SLC5A1: variants seen among roughly 807,000 people sequenced by gnomAD.
The protein encoded by SLC5A1 is solute carrier family 5 member 1.
A neutral mutation model predicts 73.5 loss-of-function variants in SLC5A1; 42 were observed. The observed-to-expected ratio is 0.57, with a 90% CI of 0.45 to 0.74. The LOEUF is 0.74. Ranked by LOEUF, SLC5A1 falls within the 30% of genes least tolerant of loss-of-function variation. SLC5A1 has a pLI of 0.00. For synonymous variants in SLC5A1, 300 were observed against 317.4 expected (o/e 0.95, Z 0.58); for missense variants, 634 against 855.4 (o/e 0.74, Z 3.23).
chr22:32,043,331 T>C lies in SLC5A1; in HGVS notation c.50T>C (p.Val17Ala), dbSNP rs33951240. 1.7e-3 allele frequency: 2,690 copies of C among 1,614,198 alleles called. 32 individuals carry two copies. In the African/African-American group the frequency reaches 0.024, roughly 14 times the overall value. ...AAGACCACCGCGGTCACCCGGCCTGTTGAGACCCACGAGCTCATTCGCAAT... is the reference window on the plus strand; with the variant it reads ...AAGACCACCGCGGTCACCCGGCCTGCTGAGACCCACGAGCTCATTCGCAAT... ...SPKTTAVTRP[V>A]ETHELIRNAA... The change falls in exon 1 of 15, where the codon GTT becomes GCT. Residue 17 changes from valine to alanine, a missense_variant. By Grantham distance (64) the Val-to-Ala change is moderately conservative. Around this residue, in one of 3 missense-constraint regions of SLC5A1, gnomAD observed 51 missense variants for 50.5 expected, o/e 1.01. Transcript: ENST00000266088. The surrounding 1 kb of genome is among the most constrained non-coding windows in gnomAD (Gnocchi z 6.5).
At chr22:32,058,347 T>C (rs912364945) in intron 2 of SLC5A1, among the ~76,000 whole-genome samples, 1 of 152,214 alleles carries the variant, frequency 6.6e-6, no homozygotes, top group African/African-American at 2.4e-5. Context: ...TATAGCGAGA[T>C]CCCATCTCTA....
intron 2 of SLC5A1, among the ~76,000 whole-genome samples, chr22:32,054,376 G>A (rs1240350104): frequency 1.3e-5 from 2 of 152,090 alleles, no homozygotes; most frequent in African/African-American, 2.4e-5. Context: ...CAAAATATAC[G>A]TAAAATTATC....
chr22:32,048,885 A>G (rs1033686715), intron 1 of SLC5A1, among the ~76,000 whole-genome samples: 1 of 151,978 alleles, frequency 6.6e-6, no homozygotes, highest in African/African-American at 2.4e-5. Context: ...AGCCTGGCCA[A>G]TATGGTGAAA....
rs2094056556 is a variant in SLC5A1 at position 32,111,326 on chromosome 22, G to A, written c.*1113G>A. The A allele has an allele frequency of 6.6e-6, 1 of 152,052 alleles. No homozygotes were observed. The highest frequency in any genetic ancestry group is 1.5e-5 in the Non-Finnish European group (1 of 68,022). 9.4% of individuals were successfully genotyped at this position (152,052 alleles called of 1,614,324 possible). A position where few individuals can be genotyped will look rare whatever the true frequency, so the allele number is the denominator to read the frequency against. ...CTCTGTCTTCCGTGGCCTTCCTTTT[G>A]TCTGTGTCCTAAATCTACTCTTCTG... On this transcript the variant is annotated 3_prime_UTR_variant, in exon 15 of 15. Coordinates refer to ENST00000266088, the MANE Select transcript of SLC5A1 (RefSeq NM_000343.4).
intron 11 of SLC5A1, among the ~76,000 whole-genome samples, chr22:32,092,949 T>C (rs1278115415): frequency 6.6e-6 from 1 of 152,230 alleles, no homozygotes; most frequent in Non-Finnish European, 1.5e-5. Context: ...TAGATTTAAG[T>C]CCTTGAATTA....
At chr22:32,077,907 AG>A (rs575234572) in intron 5 of SLC5A1, among the ~76,000 whole-genome samples, 2 of 152,328 alleles carry the variant, frequency 1.3e-5, no homozygotes, top group South Asian at 4.1e-4. Context: ...TTGAAACTGT[AG>A]GAAAAATGTA....
intron 5 of SLC5A1, among the ~76,000 whole-genome samples, chr22:32,073,368 G>A (rs2093985701): frequency 6.6e-6 from 1 of 152,168 alleles, no homozygotes; most frequent in African/African-American, 2.4e-5. Flanking sequence ...GGCTCTTGCC[G>A]ATAATGCTGT....
rs376550752 is a variant in SLC5A1, at chr22:32,109,367, G to A, written c.1772-623G>A. Among the ~76,000 whole-genome samples, 74 of 152,246 alleles carry A rather than the reference G, an allele frequency of 4.9e-4. 1 individual carries two copies. Among genetic ancestry groups the A allele is most frequent in the Non-Finnish European group, 8.7e-4 (59 of 68,022 alleles). On this transcript the variant is annotated intron_variant, in intron 14 of 14. Coordinates refer to ENST00000266088, the MANE Select transcript of SLC5A1 (RefSeq NM_000343.4). Reference sequence around the variant, plus strand: ...AGGAGGGAATCAGTTCCCTTGGTGGGTATTCAATTTGAGCATCAGGGCCAG... The same window carrying A: ...AGGAGGGAATCAGTTCCCTTGGTGGATATTCAATTTGAGCATCAGGGCCAG...
At position 32,110,084 on chromosome 22, in the gene SLC5A1, G is replaced by C. The variant is rs200626260; in HGVS notation, c.1866G>C (p.Glu622Asp). The C allele has an allele frequency of 8.7e-5, 141 of 1,613,948 alleles. No individual in the cohort carries two copies. Among genetic ancestry groups the C allele is most frequent in the Non-Finnish European group, 1.2e-4 (136 of 1,179,952 alleles). The change falls in exon 15 of 15, where the codon GAG (glutamate) becomes GAC (aspartate). Residue 622 changes from glutamate (E) to aspartate (D), a missense_variant. Glu to Asp is a conservative substitution (Grantham distance 45). Coordinates refer to ENST00000266088, the MANE Select transcript of SLC5A1 (RefSeq NM_000343.4). ...LEQHGAPKMTEEEEKAMKMKM... is the reference protein window; with the variant it reads ...LEQHGAPKMTDEEEKAMKMKM... ...AGCACGGTGCACCCAAGATGACTGA[G>C]GAAGAGGAGAAAGCCATGAAGATGA...
intron 5 of SLC5A1, among the ~76,000 whole-genome samples, chr22:32,075,077 T>C (rs1466396305): frequency 6.8e-6 from 1 of 146,856 alleles, no homozygotes. Flanking sequence ...TTACTTTTTT[T>C]TTTTTTTTTT....
At position 32,066,978 on chromosome 22, in the gene SLC5A1, T is replaced by A. The variant is rs750209276; in HGVS notation, c.251T>A (p.Phe84Tyr). ...LFASNIGSGHFVGLAGTGAAS... is the reference protein window; with the variant it reads ...LFASNIGSGHYVGLAGTGAAS... ...GCTAGTAACATTGGAAGTGGCCACT[T>A]TGTGGGGCTGGCCGGGACTGGGGCA... The change falls in exon 3 of 15, where the codon TTT becomes TAT. Residue 84 changes from phenylalanine (F) to tyrosine (Y), a missense_variant. Physicochemically the swap from Phe to Tyr is conservative, Grantham distance 22. Around this residue, in one of 3 missense-constraint regions of SLC5A1, gnomAD observed 422 missense variants for 626.1 expected, o/e 0.67. Transcript: ENST00000266088. The A allele has an allele frequency of 6.2e-7, 1 of 1,613,322 alleles. No individual in the cohort carries two copies. Among genetic ancestry groups the A allele is most frequent in the Admixed American group, 1.7e-5 (1 of 60,006 alleles).
At chr22:32,099,147 T>G in intron 11 of SLC5A1, 36 bp from the exon 12 acceptor site, 2 of 1,339,764 alleles carry the variant, frequency 1.5e-6, no homozygotes, top group East Asian at 2.7e-5. Flanking sequence ...TGTAGAGCTA[T>G]TTATTGACAC....
intron 10 of SLC5A1, among the ~76,000 whole-genome samples, chr22:32,087,772 T>A (rs1487598701): frequency 6.6e-6 from 1 of 152,004 alleles, no homozygotes; most frequent in Non-Finnish European, 1.5e-5. Flanking sequence ...CCTAGAAAAA[T>A]TTAGAATAAA....
At chr22:32,102,687 G>C (rs1017287504) in intron 13 of SLC5A1, among the ~76,000 whole-genome samples, 1 of 151,982 alleles carries the variant, frequency 6.6e-6, no homozygotes, top group Admixed American at 6.6e-5. Context: ...TTGTATTTTT[G>C]TACCCATTAA....
At chr22:32,058,964 C>T (rs2093956122) in intron 2 of SLC5A1, among the ~76,000 whole-genome samples, 1 of 152,196 alleles carries the variant, frequency 6.6e-6, no homozygotes, top group East Asian at 1.9e-4. Flanking sequence ...AGCTCTCAGA[C>T]ATTTGGTTGC....
chr22:32,079,316 G>A (rs1443993007), intron 5 of SLC5A1, among the ~76,000 whole-genome samples: 2 of 152,218 alleles, frequency 1.3e-5, no homozygotes, highest in Non-Finnish European at 2.9e-5. Context: ...TCTGAAGTTA[G>A]AATGACTCAT....
chr22:32,066,087 G>T (rs761616126), intron 2 of SLC5A1, among the ~76,000 whole-genome samples: 1 of 152,280 alleles, frequency 6.6e-6, no homozygotes, highest in Non-Finnish European at 1.5e-5. Flanking sequence ...TATTATGATT[G>T]GTTGTGCAAG....
chr22:32,045,025 G>C (rs2093935314), intron 1 of SLC5A1, among the ~76,000 whole-genome samples: 1 of 152,184 alleles, frequency 6.6e-6, no homozygotes, highest in Non-Finnish European at 1.5e-5. Flanking sequence ...AGCCTCATGT[G>C]GTTGTGATTT....
chr22:32,088,470 G>A (rs2094011709), intron 10 of SLC5A1, among the ~76,000 whole-genome samples: 2 of 151,636 alleles, frequency 1.3e-5, no homozygotes, highest in Non-Finnish European at 1.5e-5. Flanking sequence ...TGTAGTAGCT[G>A]GGATTACAGG....
Sources: allele counts gnomAD v4.1 joint callset (sites outside exome capture counted in the v4.1 genomes callset), GRCh38; gene constraint gnomAD v4.1.1; regional missense constraint gnomAD v4.1.1; non-coding constraint Gnocchi (gnomAD v3.1); transcripts MANE v1.5; gene names NCBI Gene and HGNC (gene_info 2026-07-23, HGNC 2026-07-21).